ARHGAP44: variants seen among roughly 807,000 people sequenced by gnomAD.
ARHGAP44 encodes the protein rho GTPase-activating protein 44.
ARHGAP44 carries 43 observed loss-of-function variants against 106.8 expected under a neutral mutation model. That is an observed-to-expected ratio of 0.40 (90% CI 0.32 to 0.52). The LOEUF is 0.52. Among genes scored for constraint, ARHGAP44 ranks in the 20% least tolerant of loss-of-function variants. The pLI, the probability that ARHGAP44 is intolerant of heterozygous loss-of-function variation, is 0.48. For synonymous variants in ARHGAP44, 439 were observed against 410.3 expected (o/e 1.07, Z -0.85); for missense variants, 866 against 1,050.5 (o/e 0.82, Z 2.43).
At chr17:12,847,126 G>A (rs1457808508) in intron 1 of ARHGAP44, among the ~76,000 whole-genome samples, 1 of 152,176 alleles carries the variant, frequency 6.6e-6, no homozygotes, top group Non-Finnish European at 1.5e-5. Context: ...GATAGGTTAA[G>A]TTCTTTAAAA....
chr17:12,882,465 T>G (rs141062295), intron 1 of ARHGAP44, among the ~76,000 whole-genome samples: 3 of 152,294 alleles, frequency 2.0e-5, no homozygotes, highest in East Asian at 3.9e-4. Context: ...CTTACTGAGC[T>G]GGGTAGACAG....
chr17:12,868,275 CCAGTCATACT>C (rs2036292837), intron 1 of ARHGAP44, among the ~76,000 whole-genome samples: 1 of 152,020 alleles, frequency 6.6e-6, no homozygotes, highest in Non-Finnish European at 1.5e-5. Flanking sequence ...TATAGGGACA[CCAGTCATACT>C]GGATTAGGGC....
intron 6 of ARHGAP44, among the ~76,000 whole-genome samples, chr17:12,924,609 A>G (rs2038180625): frequency 1.3e-5 from 2 of 152,168 alleles, no homozygotes; most frequent in Non-Finnish European, 2.9e-5. Context: ...GCTAACCCCC[A>G]ATGCGACTGT....
At chr17:12,807,558 C>T (rs866542161) in intron 1 of ARHGAP44, among the ~76,000 whole-genome samples, 1 of 152,300 alleles carries the variant, frequency 6.6e-6, no homozygotes, top group South Asian at 2.1e-4. Context: ...AGGGGAATTC[C>T]TCTTTATAAA....
rs530314425 is a variant in ARHGAP44, at chr17:12,879,421, A to G, written c.54-15519A>G. Among the ~76,000 whole-genome samples, 5 of 152,238 alleles carry G rather than the reference A, an allele frequency of 3.3e-5. No homozygotes were observed. In the South Asian group the frequency reaches 1.0e-3, roughly 32 times the overall value. ...TTTCGCAGTTGCAAATTGTGCTGCT[A>G]TAAACATGCATGTGTAAGTATCTTT... On this transcript the variant is annotated intron_variant, in intron 1 of 20. Coordinates refer to ENST00000379672, the MANE Select transcript of ARHGAP44 (RefSeq NM_014859.6).
chr17:12,874,423 C>T (rs1363192264), intron 1 of ARHGAP44, among the ~76,000 whole-genome samples: 2 of 152,094 alleles, frequency 1.3e-5, no homozygotes, highest in African/African-American at 2.4e-5. Flanking sequence ...CCACAATGGG[C>T]AAGAGAGGGC....
At chr17:12,801,146 A>G (rs1375218782) in intron 1 of ARHGAP44, among the ~76,000 whole-genome samples, 2 of 152,254 alleles carry the variant, frequency 1.3e-5, no homozygotes, top group African/African-American at 2.4e-5. Flanking sequence ...ACAGACTCCT[A>G]TGTAACACAT....
At chr17:12,849,661 A>G (rs1165517811) in intron 1 of ARHGAP44, among the ~76,000 whole-genome samples, 2 of 138,006 alleles carry the variant, frequency 1.4e-5, no homozygotes, top group African/African-American at 5.6e-5. Context: ...GCTCAACAGT[A>G]GGAATTGCCC....
chr17:12,802,438 A>G (rs1220052426), intron 1 of ARHGAP44, among the ~76,000 whole-genome samples: 3 of 152,140 alleles, frequency 2.0e-5, no homozygotes, highest in Non-Finnish European at 4.4e-5. Flanking sequence ...CTTTTCTGTC[A>G]TTGGGTCACT....
At chr17:12,910,080 A>G (rs1220049725) in intron 4 of ARHGAP44, among the ~76,000 whole-genome samples, 2 of 152,158 alleles carry the variant, frequency 1.3e-5, no homozygotes, top group Non-Finnish European at 1.5e-5. Context: ...ATTCTATGAT[A>G]AAATAGGGAA....
intron 14 of ARHGAP44, among the ~76,000 whole-genome samples, 191 bp from the exon 15 acceptor site, chr17:12,956,464 T>C (rs1018270705): frequency 6.6e-6 from 1 of 152,178 alleles, no homozygotes; most frequent in Non-Finnish European, 1.5e-5. Context: ...TTTATCTCCA[T>C]TCTGCAGATG....
intron 1 of ARHGAP44, among the ~76,000 whole-genome samples, chr17:12,795,618 G>C (rs1287490194): frequency 6.6e-6 from 1 of 151,310 alleles, no homozygotes; most frequent in Admixed American, 6.6e-5. Context: ...GGTAATTTAT[G>C]GTCATTCCTT....
intron 16 of ARHGAP44, among the ~76,000 whole-genome samples, chr17:12,969,604 G>C (rs1398824610): frequency 2.6e-5 from 4 of 152,154 alleles, no homozygotes; most frequent in Admixed American, 6.5e-5. Flanking sequence ...GAGTCACCAC[G>C]TTATACCCAA....
intron 1 of ARHGAP44, among the ~76,000 whole-genome samples, chr17:12,855,155 A>C (rs1168772118): frequency 6.6e-6 from 1 of 152,142 alleles, no homozygotes; most frequent in South Asian, 2.1e-4. Flanking sequence ...TTTCACCTCG[A>C]GCTTTATAAA....
intron 16 of ARHGAP44, among the ~76,000 whole-genome samples, chr17:12,971,956 T>G (rs1567716734): frequency 6.6e-6 from 1 of 152,168 alleles, no homozygotes; most frequent in Non-Finnish European, 1.5e-5. Context: ...CATCCCACCT[T>G]CTGCAACCAA....
intron 10 of ARHGAP44, among the ~76,000 whole-genome samples, chr17:12,944,453 G>C (rs773689142): frequency 1.3e-5 from 2 of 151,738 alleles, no homozygotes; most frequent in African/African-American, 4.8e-5. Flanking sequence ...CTTTCCCCTG[G>C]TTTAACATGT....
At chr17:12,830,349 T>C (rs998931799) in intron 1 of ARHGAP44, among the ~76,000 whole-genome samples, 2 of 152,176 alleles carry the variant, frequency 1.3e-5, no homozygotes, top group African/African-American at 4.8e-5. Flanking sequence ...TTTTTCTTCC[T>C]GGTTCTTTGA....
At chr17:12,957,537 C>T (rs998237503) in intron 15 of ARHGAP44, among the ~76,000 whole-genome samples, 1 of 152,058 alleles carries the variant, frequency 6.6e-6, no homozygotes, top group Non-Finnish European at 1.5e-5. Context: ...TAGGTTGTGC[C>T]CTTTGAGTTG....
intron 1 of ARHGAP44, among the ~76,000 whole-genome samples, chr17:12,804,660 C>T (rs1347883562): frequency 6.6e-6 from 1 of 152,142 alleles, no homozygotes; most frequent in African/African-American, 2.4e-5. Flanking sequence ...CAAGTATTCC[C>T]CTTTAGCATT....
Sources: gnomAD v4.1 joint callset for allele counts (sites outside exome capture counted in the v4.1 genomes callset) on GRCh38, gnomAD v4.1.1 for gene constraint, MANE v1.5 for transcripts, NCBI Gene and HGNC (gene_info 2026-07-23, HGNC 2026-07-21) for gene names.